The following MCC variants were observed in gnomAD, a reference collection of about 807,000 sequenced individuals.
The protein encoded by MCC is colorectal mutant cancer protein.
Under a neutral mutation model 116.2 loss-of-function variants are expected in MCC, and 90 were observed. The observed-to-expected ratio is 0.77, with a 90% CI of 0.65 to 0.92. The LOEUF (loss-of-function observed/expected upper bound fraction) is 0.92. MCC is among the 40% of genes least tolerant of loss of function. The pLI is 0.00. For synonymous variants in MCC, 578 were observed against 510.5 expected (o/e 1.13, Z -1.78); for missense variants, 1,516 against 1,312.2 (o/e 1.16, Z -2.40).
chr5:113,286,010 T>C (rs190913623), intron 3 of MCC, among the ~76,000 whole-genome samples: 1 of 152,334 alleles, frequency 6.6e-6, no homozygotes, highest in Non-Finnish European at 1.5e-5. Flanking sequence ...AAATGGCAAC[T>C]GGGATTTGGT....
chr5:113,023,015 A>G lies in MCC; in HGVS notation c.*4287T>C, dbSNP rs1258712547. ...CTACACAGGTATTAGCAAAACAAGA[A>G]TACATGAACAGCTGCTATCAACTTG... On this transcript the variant is annotated 3_prime_UTR_variant, in exon 19 of 19. Transcript: ENST00000408903. The G allele has an allele frequency of 6.6e-6, 1 of 152,246 alleles. No individual in the cohort carries two copies. The highest frequency in any genetic ancestry group is 1.5e-5 in the Non-Finnish European group (1 of 68,036). 9.4% of individuals were successfully genotyped at this position (152,246 alleles called of 1,614,324 possible). A position where few individuals can be genotyped will look rare whatever the true frequency, so the allele number is the denominator to read the frequency against.
At chr5:113,035,116 T>G (rs1056559124) in intron 17 of MCC, among the ~76,000 whole-genome samples, 1 of 152,208 alleles carries the variant, frequency 6.6e-6, no homozygotes, top group South Asian at 2.1e-4. Flanking sequence ...AGAGGATTAC[T>G]TCCCAGATGA....
chr5:113,055,332 C>T (rs1275486802), intron 14 of MCC, among the ~76,000 whole-genome samples: 1 of 152,198 alleles, frequency 6.6e-6, no homozygotes, highest in African/African-American at 2.4e-5. Flanking sequence ...TCATCTCACA[C>T]TGCAAAAGGG....
intron 3 of MCC, among the ~76,000 whole-genome samples, chr5:113,224,217 T>A (rs1049653847): frequency 1.3e-5 from 2 of 152,058 alleles, no homozygotes; most frequent in African/African-American, 2.4e-5. Flanking sequence ...GCCTCAGCCT[T>A]CCGAGTAGTT....
Position 113,434,693 on chromosome 5 carries a change from G to A in MCC, c.171-49481C>T, listed in dbSNP as rs776720359. 3.0e-5 allele frequency: 48 copies of A among 1,613,922 alleles called. No homozygotes were observed. Among genetic ancestry groups the A allele is most frequent in the Admixed American group, 5.0e-5 (3 of 60,002 alleles). On this transcript the variant is annotated intron_variant, in intron 1 of 18. Coordinates refer to ENST00000408903, the MANE Select transcript of MCC (RefSeq NM_001085377.2). The surrounding 1 kb of genome is among the most constrained non-coding windows in gnomAD (Gnocchi z 4.2). ...GAAGGAATTTCTCCAAGAAGTCTGCGGGGGCCTTCTTGCGGTCGATGATCT... is the reference window on the plus strand; with the variant it reads ...GAAGGAATTTCTCCAAGAAGTCTGCAGGGGCCTTCTTGCGGTCGATGATCT...
At chr5:113,325,009 A>G (rs1337602924) in intron 3 of MCC, among the ~76,000 whole-genome samples, 3 of 151,892 alleles carry the variant, frequency 2.0e-5, no homozygotes, top group Non-Finnish European at 4.4e-5. Context: ...ATTAAAAAAA[A>G]AAAAAATCTC....
chr5:113,281,879 C>T (rs1766059670), intron 3 of MCC, among the ~76,000 whole-genome samples: 1 of 152,214 alleles, frequency 6.6e-6, no homozygotes, highest in Admixed American at 6.5e-5. Context: ...CACTTCTACT[C>T]TACTTGGCAT....
At chr5:113,183,236 C>T (rs1185295203) in intron 3 of MCC, among the ~76,000 whole-genome samples, 1 of 152,088 alleles carries the variant, frequency 6.6e-6, no homozygotes, top group African/African-American at 2.4e-5. Context: ...TGATTCACAC[C>T]AGAGAGGTCT....
intron 10 of MCC, 68 bp downstream of exon 10, chr5:113,084,033 C>T: frequency 3.3e-6 from 4 of 1,221,868 alleles, no homozygotes; most frequent in Non-Finnish European, 4.8e-6. Context: ...GTTCTTCTGT[C>T]ATCTATAATC....
At chr5:113,072,570 G>T (rs1310805129) in intron 11 of MCC, among the ~76,000 whole-genome samples, 1 of 152,156 alleles carries the variant, frequency 6.6e-6, no homozygotes, top group Non-Finnish European at 1.5e-5. Flanking sequence ...TTCTTAAAGA[G>T]CTCCCCTCAC....
chr5:113,185,098 C>A (rs1761834750), intron 3 of MCC, among the ~76,000 whole-genome samples: 1 of 152,118 alleles, frequency 6.6e-6, no homozygotes, highest in African/African-American at 2.4e-5. Context: ...GTGGAGACAG[C>A]CTCTGCACGA....
At chr5:113,451,308 G>T (rs939659023) in intron 1 of MCC, among the ~76,000 whole-genome samples, 2 of 152,218 alleles carry the variant, frequency 1.3e-5, no homozygotes, top group Non-Finnish European at 2.9e-5. Context: ...GATGAAGAAA[G>T]AATAACGATT....
intron 3 of MCC, among the ~76,000 whole-genome samples, chr5:113,156,170 G>T (rs142347237): frequency 1.7e-4 from 26 of 152,308 alleles, no homozygotes; most frequent in African/African-American, 6.0e-4. Context: ...TTACAGAACT[G>T]CAAGAAATAA....
intron 3 of MCC, among the ~76,000 whole-genome samples, chr5:113,248,886 G>A (rs1388308207): frequency 1.4e-5 from 2 of 140,558 alleles, no homozygotes; most frequent in East Asian, 2.0e-4. Flanking sequence ...AGAGTGCAGC[G>A]GCATGATCTC....
chr5:113,275,978 T>G (rs974703028), intron 3 of MCC, among the ~76,000 whole-genome samples: 2 of 150,908 alleles, frequency 1.3e-5, no homozygotes, highest in South Asian at 2.1e-4. Flanking sequence ...TTGTTTTTTT[T>G]TTTTTTTTTT....
intron 3 of MCC, among the ~76,000 whole-genome samples, chr5:113,280,690 T>G (rs936191326): frequency 1.3e-5 from 2 of 152,144 alleles, no homozygotes; most frequent in African/African-American, 4.8e-5. Flanking sequence ...AGCTTTGTTT[T>G]GAGAGGGCAG....
chr5:113,071,251 A>C lies in MCC; in HGVS notation c.1785-17T>G. On this transcript the variant is annotated splice_polypyrimidine_tract_variant and intron_variant, in intron 11 of 18. Transcript: ENST00000408903. ...TCAATCCGGCTACAAAGGAACAAAA[A>C]TCAGATTCACACTAGGGTTACAGTT... 6.2e-7 allele frequency: 1 copy of C among 1,612,480 alleles called. No individual in the cohort carries two copies. The highest frequency in any genetic ancestry group is 8.5e-7 in the Non-Finnish European group (1 of 1,179,214).
At chr5:113,092,191 G>GA (rs1486153502) in intron 8 of MCC, among the ~76,000 whole-genome samples, 1 of 152,094 alleles carries the variant, frequency 6.6e-6, no homozygotes. Context: ...AGGGAACTGA[G>GA]ATGGGTAGAG....
intron 8 of MCC, among the ~76,000 whole-genome samples, chr5:113,088,759 C>A (rs1211109854): frequency 1.3e-5 from 2 of 152,018 alleles, no homozygotes; most frequent in African/African-American, 4.8e-5. Context: ...GTTTGGACTC[C>A]TAGACTCCAG....
Sources: gnomAD v4.1 joint callset for allele counts (sites outside exome capture counted in the v4.1 genomes callset) on GRCh38, gnomAD v4.1.1 for gene constraint, Gnocchi (gnomAD v3.1) non-coding constraint, MANE v1.5 for transcripts, NCBI Gene and HGNC (gene_info 2026-07-23, HGNC 2026-07-21) for gene names.